Variants in AFF3 observed in about 807,000 individuals in gnomAD.
AFF3 encodes ALF transcription elongation factor 3.
Under a neutral mutation model 129.7 loss-of-function variants are expected in AFF3, and 32 were observed. The observed-to-expected ratio is 0.25, with a 90% CI of 0.19 to 0.33. The LOEUF (loss-of-function observed/expected upper bound fraction) is 0.33, where lower values mean the gene tolerates loss of function less well. Among genes scored for constraint, AFF3 ranks in the 10% least tolerant of loss-of-function variants. The pLI, the probability that AFF3 is intolerant of heterozygous loss-of-function variation, is 1.00. For missense variants in AFF3, 1,373 were observed against 1,592.0 expected (o/e 0.86, Z 2.34); for synonymous variants, 644 against 635.4 (o/e 1.01, Z -0.20).
chr2:100,059,446 T>TAA (rs1687070244), intron 4 of AFF3, among the ~76,000 whole-genome samples: 1 of 151,940 alleles, frequency 6.6e-6, no homozygotes, highest in Non-Finnish European at 1.5e-5. Flanking sequence ...AGACACATAA[T>TAA]TAAAAAGTCT....
chr2:100,078,290 G>T (rs1174706418), intron 4 of AFF3, among the ~76,000 whole-genome samples: 1 of 152,130 alleles, frequency 6.6e-6, no homozygotes, highest in Admixed American at 6.5e-5. Flanking sequence ...CGAATATACA[G>T]GTTTGTCAAG....
chr2:99,634,964 T>TACACACACAC (rs201362666), intron 13 of AFF3, among the ~76,000 whole-genome samples: 16,376 of 137,548 alleles, frequency 0.12, 1,150 homozygotes, highest in Non-Finnish European at 0.16. Flanking sequence ...GATTCTGTCA[T>TACACACACAC]ACACACACAC....
Position 99,989,922 on chromosome 2 carries a change from CTA to C in AFF3, c.873+16708_873+16709del, listed in dbSNP as rs1373350421. Among the ~76,000 whole-genome samples the C allele has an allele frequency of 7.2e-5, 11 of 152,146 alleles. No homozygotes were observed. In the East Asian group the frequency reaches 2.1e-3, roughly 29 times the overall value. Reference sequence around the variant, plus strand: ...CACGTTATCTTTTTATTTTTAATTGCTATGATAGAAGAGTGCTAACAATATTA... The same window carrying C: ...CACGTTATCTTTTTATTTTTAATTGCTGATAGAAGAGTGCTAACAATATTA... On this transcript the variant is annotated intron_variant, in intron 7 of 24. Transcript: ENST00000672756.
chr2:99,673,318 AG>A (rs1396586911), intron 11 of AFF3, among the ~76,000 whole-genome samples: 2 of 152,102 alleles, frequency 1.3e-5, no homozygotes, highest in Non-Finnish European at 1.5e-5. Flanking sequence ...ACCAAGCAGG[AG>A]GGCGCTTTCT....
At chr2:100,013,329 T>C (rs1006710059) in intron 4 of AFF3, among the ~76,000 whole-genome samples, 3 of 152,216 alleles carry the variant, frequency 2.0e-5, no homozygotes, top group Non-Finnish European at 4.4e-5. Flanking sequence ...CCCGATGGCT[T>C]TTCTCTTCCA....
chr2:99,786,731 G>A (rs779546970), intron 8 of AFF3, among the ~76,000 whole-genome samples: 24 of 152,148 alleles, frequency 1.6e-4, no homozygotes, highest in Non-Finnish European at 3.5e-4. Flanking sequence ...ATGCCAGCAT[G>A]CTGTAAAATA....
intron 7 of AFF3, among the ~76,000 whole-genome samples, chr2:99,926,474 C>T (rs1420003812): frequency 6.6e-6 from 1 of 152,212 alleles, no homozygotes; most frequent in African/African-American, 2.4e-5. Context: ...AAACTCAAAC[C>T]ACCTACTTCA....
intron 16 of AFF3, among the ~76,000 whole-genome samples, chr2:99,585,724 T>G (rs954240851): frequency 1.3e-5 from 2 of 152,072 alleles, no homozygotes; most frequent in African/African-American, 2.4e-5. Context: ...AGCTATTTTC[T>G]TTTTTTCTTT....
At chr2:99,846,924 A>G (rs1212823141) in intron 7 of AFF3, among the ~76,000 whole-genome samples, 3 of 152,142 alleles carry the variant, frequency 2.0e-5, no homozygotes, top group African/African-American at 7.2e-5. Context: ...CATACTCAAC[A>G]TCAGCCATTT....
intron 10 of AFF3, among the ~76,000 whole-genome samples, chr2:99,731,796 C>T (rs1558795530): frequency 6.6e-6 from 1 of 152,202 alleles, no homozygotes; most frequent in Admixed American, 6.5e-5. Context: ...ATGTTCCCGA[C>T]ATTTATGTCA....
intron 8 of AFF3, among the ~76,000 whole-genome samples, chr2:99,833,295 G>A (rs1192566269): frequency 6.6e-6 from 1 of 152,128 alleles, no homozygotes; most frequent in East Asian, 1.9e-4. Flanking sequence ...CCCTTTATTT[G>A]CCTCAAGTTT....
rs34769933 is a variant in AFF3, at chr2:100,108,908, CTTTTTTT to C, written c.-144-3332_-144-3326del. 2.3e-3 allele frequency among the ~76,000 whole-genome samples: 204 copies of C among 88,092 alleles called. 2 individuals carry two copies. The highest frequency in any genetic ancestry group is 0.01 in the Middle Eastern group (1 of 98). The allele number at this position is 88,092 out of a possible 152,430, so 57.8% of individuals were successfully genotyped here. A position where few individuals can be genotyped will look rare whatever the true frequency, so the allele number is the denominator to read the frequency against. ...GTTTCTGGGAATGTGCATTTCTTTC[CTTTTTTT>C]TTTTTTTTTTTTTTTTTTTTAACAA... On this transcript the variant is annotated intron_variant, in intron 2 of 24. Coordinates refer to ENST00000672756, the MANE Select transcript of AFF3 (RefSeq NM_001386135.1).
At chr2:99,649,481 T>A in intron 13 of AFF3, 145 bp downstream of exon 13, 1 of 876,402 alleles carries the variant, frequency 1.1e-6, no homozygotes, top group Non-Finnish European at 1.8e-6. Context: ...CACACATGCA[T>A]GATAAATCCA....
chr2:100,088,865 A>G (rs892336383), intron 4 of AFF3, among the ~76,000 whole-genome samples: 4 of 152,254 alleles, frequency 2.6e-5, no homozygotes, highest in Non-Finnish European at 5.9e-5. Context: ...AAAACCATTA[A>G]GTACTTCACA....
chr2:99,596,213 C>T (rs1379611422), intron 14 of AFF3, among the ~76,000 whole-genome samples: 2 of 152,170 alleles, frequency 1.3e-5, no homozygotes, highest in Non-Finnish European at 2.9e-5. Context: ...AAATCATGAC[C>T]TCGCTTTATT....
intron 15 of AFF3, among the ~76,000 whole-genome samples, chr2:99,592,406 C>G (rs573182487): frequency 6.6e-6 from 1 of 152,288 alleles, no homozygotes; most frequent in South Asian, 2.1e-4. Flanking sequence ...GCATCAGGGT[C>G]TGCCGTATTC....
At chr2:99,639,988 T>C (rs1423500209) in intron 13 of AFF3, among the ~76,000 whole-genome samples, 1 of 152,104 alleles carries the variant, frequency 6.6e-6, no homozygotes, top group African/African-American at 2.4e-5. Flanking sequence ...CGGCCCAGGA[T>C]GACTTTTTTC....
chr2:99,931,486 C>T (rs572368698), intron 7 of AFF3, among the ~76,000 whole-genome samples: 29 of 152,308 alleles, frequency 1.9e-4, no homozygotes, highest in African/African-American at 7.0e-4. Context: ...CAGAAGGGCC[C>T]TGGTGTTGAG....
intron 4 of AFF3, among the ~76,000 whole-genome samples, chr2:100,042,426 T>C (rs1279715316): frequency 2.0e-5 from 3 of 152,186 alleles, no homozygotes; most frequent in East Asian, 3.9e-4. Flanking sequence ...AATAAGAAAG[T>C]AGTTTGCTTC....
Sources: gnomAD v4.1 joint callset for allele counts (sites outside exome capture counted in the v4.1 genomes callset) on GRCh38, gnomAD v4.1.1 for gene constraint, MANE v1.5 for transcripts, NCBI Gene and HGNC (gene_info 2026-07-23, HGNC 2026-07-21) for gene names.